The following IGSF10 variants were observed in gnomAD, a reference collection of about 807,000 sequenced individuals.
IGSF10 encodes the protein calvaria mechanical force protein 608.
A neutral mutation model predicts 128.2 loss-of-function variants in IGSF10; 126 were observed. The ratio of observed to expected loss-of-function variants is 0.98; its 90% CI spans 0.85 to 1.14. The LOEUF (loss-of-function observed/expected upper bound fraction) is 1.14, where lower values mean the gene tolerates loss of function less well. IGSF10 is among the 50% of genes most tolerant of loss of function. The pLI is 0.00. For synonymous variants in IGSF10, 1,185 were observed against 1,146.2 expected (o/e 1.03, Z -0.68); for missense variants, 3,295 against 3,149.8 (o/e 1.05, Z -1.10).
chr3:151,606,700 T>C, the IGSF10 span, among the ~76,000 whole-genome samples: 100 of 152,298 alleles, frequency 6.6e-4, no homozygotes, highest in African/African-American at 2.3e-3. Context: ...GAAAGTAGCA[T>C]GGAGATAGAC....
At chr3:151,452,379 A>T (rs1344586253) in intron 5 of IGSF10, among the ~76,000 whole-genome samples, 1 of 152,172 alleles carries the variant, frequency 6.6e-6, no homozygotes, top group Admixed American at 6.5e-5. Flanking sequence ...ACAGTGTATT[A>T]CTCTACTGAA....
chr3:151,449,316 A>C (rs2108558364), intron 5 of IGSF10, 51 bp from the exon 6 acceptor site: 1 of 1,446,866 alleles, frequency 6.9e-7, no homozygotes, highest in East Asian at 2.3e-5. Flanking sequence ...TTATGAATTG[A>C]CACAAACATT....
chr3:151,578,251 G>T, the IGSF10 span, among the ~76,000 whole-genome samples: 1 of 152,110 alleles, frequency 6.6e-6, no homozygotes, highest in African/African-American at 2.4e-5. Context: ...TGTAAGACAA[G>T]GATTGGCAAA....
chr3:151,507,350 A>C, the IGSF10 span, among the ~76,000 whole-genome samples: 1 of 152,156 alleles, frequency 6.6e-6, no homozygotes, highest in Non-Finnish European at 1.5e-5. Flanking sequence ...TACCTGTGTC[A>C]GAGTTTCAAA....
At position 151,447,876 on chromosome 3, in the gene IGSF10, G is replaced by A; in HGVS notation, c.2105C>T (p.Ala702Val). The A allele has an allele frequency of 6.2e-7, 1 of 1,614,084 alleles. No homozygotes were observed. Among genetic ancestry groups the A allele is most frequent in the Non-Finnish European group, 8.5e-7 (1 of 1,179,980 alleles). ...TTTTCCAACCTCAGCCTCCATCAGA[G>A]CAGATGTACGGAGTTGTGCACCTGG... is the stretch of plus-strand genomic sequence containing the variant. ...EPPGAQLRTS[A>V]LMEAEVGKHT... The change falls in exon 6 of 8, where the codon GCT (alanine) becomes GTT (valine). Residue 702 changes from alanine (A) to valine (V), a missense_variant. Transcript: ENST00000282466.
At position 151,440,524 on chromosome 3, in the gene IGSF10, C is replaced by T. The variant is rs557395221; in HGVS notation, c.5964-1927G>A. On this transcript the variant is annotated intron_variant, in intron 7 of 7. Coordinates refer to ENST00000282466, the MANE Select transcript of IGSF10 (RefSeq NM_178822.5). ...CTGGTTGTTTAATCTTGAAGTAATT[C>T]CCTCACTATACAGCTGAAAAATTGG... 278 of 456,450 alleles carry T rather than the reference C, an allele frequency of 6.1e-4. 2 individuals are homozygous for T. The highest frequency in any genetic ancestry group is 4.2e-3 in the South Asian group (274 of 64,528). 28.3% of individuals were successfully genotyped at this position (456,450 alleles called of 1,614,324 possible).
At chr3:151,589,996 G>A in the IGSF10 span, among the ~76,000 whole-genome samples, 1 of 151,884 alleles carries the variant, frequency 6.6e-6, no homozygotes, top group Non-Finnish European at 1.5e-5. Context: ...ATTGGAAACT[G>A]GTTTTGGGAA....
At chr3:151,497,925 T>C in the IGSF10 span, among the ~76,000 whole-genome samples, 3 of 152,214 alleles carry the variant, frequency 2.0e-5, no homozygotes, top group African/African-American at 7.2e-5. Flanking sequence ...AGGTATTTTA[T>C]TCCCTTTGAA....
At chr3:151,597,972 G>A in the IGSF10 span, among the ~76,000 whole-genome samples, 2 of 151,616 alleles carry the variant, frequency 1.3e-5, no homozygotes, top group East Asian at 1.9e-4. Context: ...TTTAGTTTGT[G>A]GAGGCACAAA....
the IGSF10 span, among the ~76,000 whole-genome samples, chr3:151,509,668 C>G: frequency 0.47 from 71,390 of 152,086 alleles, 17,237 homozygotes; most frequent in African/African-American, 0.57. Context: ...TGAGCTGAAG[C>G]AGGGCGAGGC....
chr3:151,454,005 CT>C (rs1301476374), intron 4 of IGSF10, among the ~76,000 whole-genome samples: 1 of 137,618 alleles, frequency 7.3e-6, no homozygotes, highest in Non-Finnish European at 1.5e-5. Context: ...ATATATATTT[CT>C]TTTTTTCTTT....
rs780403307 is a variant in IGSF10, at chr3:151,449,003, A to G, written c.978T>C (p.Asn326=). ...LTLNMTDQSG[N]EANMVCSIQK... Reference sequence around the variant, plus strand: ...GAATACTGCAGACCATGTTAGCTTCATTTCCAGACTGATCTGTCATATTCA... The same window carrying G: ...GAATACTGCAGACCATGTTAGCTTCGTTTCCAGACTGATCTGTCATATTCA... The change falls in exon 6 of 8, where the codon AAT becomes AAC. Residue 326 remains asparagine, a synonymous_variant. Coordinates refer to ENST00000282466, the MANE Select transcript of IGSF10 (RefSeq NM_178822.5). 3.1e-6 allele frequency: 5 copies of G among 1,614,228 alleles called. No homozygotes were observed. The highest frequency in any genetic ancestry group is 1.1e-5 in the South Asian group (1 of 91,086).
At chr3:151,441,815 A>C (rs1269158272) in intron 7 of IGSF10, among the ~76,000 whole-genome samples, 1 of 152,236 alleles carries the variant, frequency 6.6e-6, no homozygotes, top group South Asian at 2.1e-4. Context: ...TAATCCCAGC[A>C]CTTTGGGAGG....
the IGSF10 span, among the ~76,000 whole-genome samples, chr3:151,492,067 G>A: frequency 5.3e-3 from 803 of 151,996 alleles, 7 homozygotes; most frequent in African/African-American, 0.018. Context: ...AAAATGAAAA[G>A]GCAACCTACA....
chr3:151,523,339 AAAAG>A, the IGSF10 span, among the ~76,000 whole-genome samples: 1 of 152,194 alleles, frequency 6.6e-6, no homozygotes, highest in Non-Finnish European at 1.5e-5. Context: ...ATGGAACAAA[AAAAG>A]AGCCCACATA....
the IGSF10 span, among the ~76,000 whole-genome samples, chr3:151,591,974 C>T: frequency 6.6e-6 from 1 of 151,990 alleles, no homozygotes; most frequent in Non-Finnish European, 1.5e-5. Context: ...ATTTTAAATG[C>T]AGTTTGTACC....
Position 151,458,628 on chromosome 3 carries a change from C to T in IGSF10, c.82G>A (p.Ala28Thr). The T allele has an allele frequency of 6.2e-7, 1 of 1,614,166 alleles. No individual in the cohort carries two copies. Among genetic ancestry groups the T allele is most frequent in the African/African-American group, 1.3e-5 (1 of 75,024 alleles). Reference protein sequence around the residue: ...ICLVATPGGKACPRRCACYMP... With the variant: ...ICLVATPGGKTCPRRCACYMP... ...TAACAGGCACAGCGGCGAGGACAGG[C>T]CTTGCCCCCAGGGGTGGCGACCAGG... Residue 28 changes from alanine (A) to threonine (T), a missense_variant, in exon 3 of 8, where the codon GCC becomes ACC. Transcript: ENST00000282466.
At chr3:151,492,621 G>A in the IGSF10 span, among the ~76,000 whole-genome samples, 1 of 152,138 alleles carries the variant, frequency 6.6e-6, no homozygotes, top group Admixed American at 6.6e-5. Context: ...GGGAGGCTGA[G>A]GCAGGAGAAT....
At chr3:151,613,828 A>G in the IGSF10 span, among the ~76,000 whole-genome samples, 1 of 152,272 alleles carries the variant, frequency 6.6e-6, no homozygotes, top group South Asian at 2.1e-4. Context: ...GACAAATGGG[A>G]TCTAATTAAA....
Sources: allele counts gnomAD v4.1 joint callset (sites outside exome capture counted in the v4.1 genomes callset), GRCh38; gene constraint gnomAD v4.1.1; transcripts MANE v1.5; gene names NCBI Gene and HGNC (gene_info 2026-07-23, HGNC 2026-07-21).